WWOX: variants seen among roughly 807,000 people sequenced by gnomAD.
WWOX encodes WW domain containing oxidoreductase.
A neutral mutation model predicts 46.2 loss-of-function variants in WWOX; 69 were observed. The ratio of observed to expected loss-of-function variants is 1.49; its 90% confidence interval spans 1.23 to 1.82. The LOEUF (loss-of-function observed/expected upper bound fraction) is 1.82, where lower values mean the gene tolerates loss of function less well. Ranked by LOEUF, WWOX falls within the 40% of genes most tolerant of loss-of-function variation. The pLI is 0.00. For synonymous variants in WWOX, 359 were observed against 202.6 expected (o/e 1.77, Z -6.56); for missense variants, 919 against 542.6 (o/e 1.69, Z -6.89).
In WWOX at chr16:78,432,469, C is replaced by T. The variant is rs2083244718; in HGVS notation, c.792-19C>T. 1.3e-6 allele frequency: 2 copies of T among 1,595,212 alleles called. No individual in the cohort carries two copies. The highest frequency in any genetic ancestry group is 2.7e-5 in the African/African-American group (2 of 74,062). On this transcript the variant is annotated intron_variant, in intron 7 of 8. Transcript: ENST00000566780. The stretch of plus-strand genomic sequence containing the variant: ...AAGTCAGAACTTGGTTGCTTCATGT[C>T]ATATTTCCTATTTTTAAGATTTACA...
At chr16:78,862,120 G>A (rs554557892) in intron 8 of WWOX, among the ~76,000 whole-genome samples, 4 of 151,904 alleles carry the variant, frequency 2.6e-5, no homozygotes, top group East Asian at 3.9e-4. Context: ...ACACCTATGG[G>A]TGTGTCTATC....
chr16:78,882,597 TC>T (rs1567624007), intron 8 of WWOX, among the ~76,000 whole-genome samples: 6 of 32,848 alleles, frequency 1.8e-4, no homozygotes, highest in African/African-American at 8.9e-4. Flanking sequence ...TCTCCTCGCC[TC>T]CCGAGTAGCC....
At chr16:79,116,885 A>G (rs1294170081) in intron 8 of WWOX, among the ~76,000 whole-genome samples, 2 of 152,048 alleles carry the variant, frequency 1.3e-5, no homozygotes, top group African/African-American at 4.8e-5. Context: ...GGCTTCTAAA[A>G]TGTATTTCTT....
At chr16:78,100,279 G>C (rs922718135) in intron 1 of WWOX, 1 of 1,071,590 alleles carries the variant, frequency 9.3e-7, no homozygotes, top group South Asian at 2.8e-5. Context: ...GTCCAGACCG[G>C]TATTGCTCAG....
intron 6 of WWOX, among the ~76,000 whole-genome samples, chr16:78,409,289 C>T (rs557298271): frequency 1.3e-5 from 2 of 152,156 alleles, no homozygotes; most frequent in African/African-American, 4.8e-5. Context: ...CAAACACAGT[C>T]ATAGAGCTGC....
intron 5 of WWOX, among the ~76,000 whole-genome samples, chr16:78,204,558 C>A (rs949986983): frequency 6.6e-6 from 1 of 152,142 alleles, no homozygotes; most frequent in South Asian, 2.1e-4. Context: ...TCATCAACCC[C>A]CCACTACCCT....
chr16:78,857,189 G>C (rs556060871), intron 8 of WWOX, among the ~76,000 whole-genome samples: 22 of 152,204 alleles, frequency 1.4e-4, no homozygotes, highest in Non-Finnish European at 2.9e-4. Context: ...AGAAAAATGT[G>C]AACCTCCTAA....
chr16:78,474,860 A>C (rs778842780), intron 8 of WWOX, among the ~76,000 whole-genome samples: 4 of 152,104 alleles, frequency 2.6e-5, no homozygotes, highest in African/African-American at 4.8e-5. Flanking sequence ...TGGTCCTTTC[A>C]CTTTGCATGC....
intron 8 of WWOX, among the ~76,000 whole-genome samples, chr16:79,017,967 C>G (rs905399758): frequency 6.6e-6 from 1 of 152,186 alleles, no homozygotes; most frequent in African/African-American, 2.4e-5. Flanking sequence ...ATAAAATACA[C>G]ATTTGCACAC....
At chr16:78,294,422 A>G (rs1461224928) in intron 5 of WWOX, among the ~76,000 whole-genome samples, 6 of 151,822 alleles carry the variant, frequency 4.0e-5, no homozygotes, top group East Asian at 1.9e-4. Context: ...CCTCTTTCCA[A>G]TATTGCTGGC....
intron 8 of WWOX, among the ~76,000 whole-genome samples, chr16:78,564,664 C>T (rs1036642218): frequency 6.6e-5 from 10 of 152,086 alleles, no homozygotes; most frequent in African/African-American, 2.2e-4. Context: ...TTTATCTGGC[C>T]ACTCGGGAGC....
intron 8 of WWOX, among the ~76,000 whole-genome samples, chr16:78,543,196 C>G (rs527745645): frequency 6.6e-6 from 1 of 152,306 alleles, no homozygotes; most frequent in South Asian, 2.1e-4. Flanking sequence ...GCACAGATGG[C>G]CTTCTTGATC....
intron 8 of WWOX, among the ~76,000 whole-genome samples, chr16:79,209,742 T>TTTAGAGA (rs1188837274): frequency 6.6e-6 from 1 of 152,206 alleles, no homozygotes; most frequent in Non-Finnish European, 1.5e-5. Context: ...AATTCTCCAA[T>TTTAGAGA]TTGTCTTTAG....
intron 5 of WWOX, among the ~76,000 whole-genome samples, chr16:78,306,239 A>G (rs1429198552): frequency 1.3e-5 from 2 of 152,214 alleles, no homozygotes; most frequent in Non-Finnish European, 2.9e-5. Context: ...AACCGCATTT[A>G]TGGAATAATA....
At chr16:78,576,311 C>T (rs1183722052) in intron 8 of WWOX, among the ~76,000 whole-genome samples, 1 of 152,144 alleles carries the variant, frequency 6.6e-6, no homozygotes, top group African/African-American at 2.4e-5. Context: ...AAATGTCCAG[C>T]TTTCTTTCTT....
At chr16:78,985,039 C>T (rs1328143277) in intron 8 of WWOX, among the ~76,000 whole-genome samples, 1 of 152,096 alleles carries the variant, frequency 6.6e-6, no homozygotes, top group East Asian at 1.9e-4. Context: ...AGTCCCTTGC[C>T]CCCTCCACCC....
rs911806015 is a variant in WWOX, at chr16:78,703,157, C to T, written c.1056+270405C>T. Among the ~76,000 whole-genome samples, 15 of 151,980 alleles carry T rather than the reference C, an allele frequency of 9.9e-5. 1 individual carries two copies. The highest frequency in any genetic ancestry group is 2.2e-4 in the African/African-American group (9 of 41,382). ...AAGAGCCAAGAGAGGGAGGGGTGGTCGTGAGTTTTTATGATGTTCCTTCTC... is the reference window on the plus strand; with the variant it reads ...AAGAGCCAAGAGAGGGAGGGGTGGTTGTGAGTTTTTATGATGTTCCTTCTC... On this transcript the variant is annotated intron_variant, in intron 8 of 8. Coordinates refer to ENST00000566780, the MANE Select transcript of WWOX (RefSeq NM_016373.4).
At chr16:79,168,577 A>C (rs759220448) in intron 8 of WWOX, among the ~76,000 whole-genome samples, 1 of 152,150 alleles carries the variant, frequency 6.6e-6, no homozygotes, top group Non-Finnish European at 1.5e-5. Context: ...CCAGGAAGGG[A>C]CAATGGGGGG....
chr16:78,782,432 C>T (rs116283409), intron 8 of WWOX, among the ~76,000 whole-genome samples: 113 of 152,294 alleles, frequency 7.4e-4, no homozygotes, highest in African/African-American at 2.5e-3. Flanking sequence ...GCTGGGGCAA[C>T]GCTACCAACA....
Sources: gnomAD v4.1 joint callset for allele counts (sites outside exome capture counted in the v4.1 genomes callset) on GRCh38, gnomAD v4.1.1 for gene constraint, MANE v1.5 for transcripts, NCBI Gene and HGNC (gene_info 2026-07-23, HGNC 2026-07-21) for gene names.